The following CNTN4 variants were observed in gnomAD, a reference collection of about 807,000 sequenced individuals.
CNTN4 encodes contactin 4.
CNTN4 carries 77 observed loss-of-function variants against 122.5 expected under a neutral mutation model. That is an observed-to-expected ratio of 0.63 (90% confidence interval 0.52 to 0.76). CNTN4 has a LOEUF of 0.76. Ranked by LOEUF, CNTN4 falls within the 30% of genes least tolerant of loss-of-function variation. CNTN4 has a pLI of 0.00. For synonymous variants in CNTN4, 512 were observed against 447.0 expected (o/e 1.15, Z -1.83); for missense variants, 1,256 against 1,259.1 (o/e 1.00, Z 0.04).
chr3:2,768,099 C>A (rs191136426), intron 6 of CNTN4, among the ~76,000 whole-genome samples: 2 of 152,068 alleles, frequency 1.3e-5, no homozygotes, highest in African/African-American at 2.4e-5. Flanking sequence ...ATCTGTGGAG[C>A]CTTCATATTT....
chr3:2,737,239 C>G (rs1443264028), intron 5 of CNTN4, among the ~76,000 whole-genome samples: 2 of 152,134 alleles, frequency 1.3e-5, no homozygotes, highest in Non-Finnish European at 2.9e-5. Flanking sequence ...CACCACCATG[C>G]CCAGCTAATT....
chr3:2,512,528 C>T (rs1362871257), intron 3 of CNTN4, among the ~76,000 whole-genome samples: 2 of 152,084 alleles, frequency 1.3e-5, no homozygotes, highest in Admixed American at 1.3e-4. Flanking sequence ...ATGATCAATG[C>T]CTTAGTGAAA....
chr3:2,915,274 C>G (rs2094341277), intron 12 of CNTN4, among the ~76,000 whole-genome samples: 2 of 152,096 alleles, frequency 1.3e-5, no homozygotes, highest in African/African-American at 4.8e-5. Context: ...CCATGTTGGC[C>G]AGGCTGGTCT....
intron 2 of CNTN4, among the ~76,000 whole-genome samples, chr3:2,147,510 T>C (rs918951255): frequency 6.6e-6 from 1 of 152,196 alleles, no homozygotes; most frequent in African/African-American, 2.4e-5. Flanking sequence ...TTATTTTTTA[T>C]GACCACCTAT....
intron 7 of CNTN4, among the ~76,000 whole-genome samples, chr3:2,845,229 G>A (rs1288577818): frequency 6.6e-6 from 1 of 151,974 alleles, no homozygotes; most frequent in Non-Finnish European, 1.5e-5. Context: ...GTATAATTCT[G>A]TACTCAGATC....
At chr3:2,485,951 G>A (rs187176126) in intron 3 of CNTN4, among the ~76,000 whole-genome samples, 137 of 152,302 alleles carry the variant, frequency 9.0e-4, no homozygotes, top group African/African-American at 3.1e-3. Flanking sequence ...GGCAACCCGC[G>A]CAGGTGCCCT....
chr3:2,944,105 A>C (rs1031889913), intron 13 of CNTN4, among the ~76,000 whole-genome samples: 1 of 151,952 alleles, frequency 6.6e-6, no homozygotes, highest in African/African-American at 2.4e-5. Flanking sequence ...TCACTCAAAC[A>C]TAATCACAAG....
At chr3:2,581,376 C>G (rs2079929475) in intron 4 of CNTN4, among the ~76,000 whole-genome samples, 1 of 152,020 alleles carries the variant, frequency 6.6e-6, no homozygotes, top group Non-Finnish European at 1.5e-5. Flanking sequence ...GGTTGAGAAC[C>G]ACATTAAGCA....
chr3:2,445,421 G>A (rs2048589869), intron 3 of CNTN4, among the ~76,000 whole-genome samples: 2 of 152,150 alleles, frequency 1.3e-5, no homozygotes, highest in Non-Finnish European at 2.9e-5. Flanking sequence ...GAAGATAGAG[G>A]TGGAACCAAG....
At chr3:2,247,811 T>C (rs904803977) in intron 2 of CNTN4, among the ~76,000 whole-genome samples, 1 of 152,054 alleles carries the variant, frequency 6.6e-6, no homozygotes, top group Non-Finnish European at 1.5e-5. Flanking sequence ...TTAGAAGTTA[T>C]GATAATAATA....
chr3:2,156,834 A>G (rs2035743719), intron 2 of CNTN4, among the ~76,000 whole-genome samples: 1 of 152,198 alleles, frequency 6.6e-6, no homozygotes, highest in South Asian at 2.1e-4. Context: ...ATCACTCTTT[A>G]TGAGATTACT....
At chr3:2,832,369 G>A (rs893740462) in intron 7 of CNTN4, among the ~76,000 whole-genome samples, 8 of 152,188 alleles carry the variant, frequency 5.3e-5, no homozygotes, top group African/African-American at 1.9e-4. Context: ...CTGCTAGGGA[G>A]GAGCGGGGTA....
At chr3:2,659,480 A>AAAGAAG (rs781000822) in intron 4 of CNTN4, among the ~76,000 whole-genome samples, 2 of 132,532 alleles carry the variant, frequency 1.5e-5, no homozygotes, top group African/African-American at 2.8e-5. Flanking sequence ...AAAAAAAAAA[A>AAAGAAG]AAGAAGAAGA....
At chr3:3,007,291 T>G (rs781424378) in intron 14 of CNTN4, among the ~76,000 whole-genome samples, 1 of 152,244 alleles carries the variant, frequency 6.6e-6, no homozygotes, top group Non-Finnish European at 1.5e-5. Flanking sequence ...GATGGTGGTG[T>G]GAGCACTGGA....
chr3:2,144,639 A>G (rs1200727868), intron 2 of CNTN4, among the ~76,000 whole-genome samples: 2 of 152,234 alleles, frequency 1.3e-5, no homozygotes. Context: ...TATGACTTGT[A>G]TTATACTCAT....
intron 2 of CNTN4, among the ~76,000 whole-genome samples, chr3:2,180,782 G>C (rs73806385): frequency 1.1e-4 from 17 of 152,218 alleles, no homozygotes; most frequent in Non-Finnish European, 1.8e-4. Context: ...GACTGACAGC[G>C]ATGCCTTAGC....
chr3:2,215,348 T>A (rs1007529506), intron 2 of CNTN4, among the ~76,000 whole-genome samples: 5 of 152,240 alleles, frequency 3.3e-5, no homozygotes, highest in African/African-American at 1.2e-4. Flanking sequence ...CACTATTTTC[T>A]GACTGCACCA....
Position 2,129,200 on chromosome 3 carries a change from A to G in CNTN4, c.-145+28561A>G, listed in dbSNP as rs146712219. ...TCATTTGTTATTATTTTTTGATACTAGGAAAGCCTTCTTGTGATACTATTA... is the reference window on the plus strand; with the variant it reads ...TCATTTGTTATTATTTTTTGATACTGGGAAAGCCTTCTTGTGATACTATTA... On this transcript the variant is annotated intron_variant, in intron 2 of 24. Transcript: ENST00000418658. Among the ~76,000 whole-genome samples the G allele has an allele frequency of 2.4e-3, 365 of 150,464 alleles. 1 individual carries two copies. Among genetic ancestry groups the G allele is most frequent in the African/African-American group, 8.6e-3 (351 of 41,000 alleles).
chr3:2,920,542 C>T (rs2094418483), intron 12 of CNTN4, among the ~76,000 whole-genome samples: 1 of 151,872 alleles, frequency 6.6e-6, no homozygotes, highest in Non-Finnish European at 1.5e-5. Context: ...ATATTTGGTA[C>T]TTTCTGTGGG....
Sources: gnomAD v4.1 joint callset for allele counts (sites outside exome capture counted in the v4.1 genomes callset) on GRCh38, gnomAD v4.1.1 for gene constraint, MANE v1.5 for transcripts, NCBI Gene and HGNC (gene_info 2026-07-23, HGNC 2026-07-21) for gene names.